Variants in FGF14 observed in about 807,000 individuals in gnomAD.
FGF14 encodes the protein fibroblast growth factor homologous factor 4.
A neutral mutation model predicts 25.5 loss-of-function variants in FGF14; 5 were observed. That is an observed-to-expected ratio of 0.20 (90% CI 0.10 to 0.41). The LOEUF (loss-of-function observed/expected upper bound fraction) is 0.41, where lower values mean the gene tolerates loss of function less well. Ranked by LOEUF, FGF14 falls within the 10% of genes least tolerant of loss-of-function variation. The pLI, the probability that FGF14 is intolerant of heterozygous loss-of-function variation, is 1.00. For missense variants in FGF14, 222 were observed against 320.1 expected (o/e 0.69, Z 2.34); for synonymous variants, 138 against 118.3 (o/e 1.17, Z -1.08).
At position 101,916,649 on chromosome 13, in the gene FGF14, G is replaced by A. The variant is rs1405710336; in HGVS notation, c.-4C>T. ...CGCTAGCGATGGCCGCGGCCATGGTGGCCCCGGGAACGGGTCCGGGGAGGG... is the reference window on the plus strand; with the variant it reads ...CGCTAGCGATGGCCGCGGCCATGGTAGCCCCGGGAACGGGTCCGGGGAGGG... On this transcript the variant is annotated 5_prime_UTR_variant, in exon 1 of 5. Coordinates refer to ENST00000376143, the MANE Select transcript of FGF14 (RefSeq NM_004115.4). 2 of 1,549,884 alleles carry A rather than the reference G, an allele frequency of 1.3e-6. No homozygotes were observed. The highest frequency in any genetic ancestry group is 1.7e-6 in the Non-Finnish European group (2 of 1,144,986).
chr13:101,803,714 A>G (rs1353728193), intron 3 of FGF14, among the ~76,000 whole-genome samples: 6 of 152,156 alleles, frequency 3.9e-5, no homozygotes, highest in Admixed American at 3.9e-4. Flanking sequence ...TGTGTCCTGG[A>G]TGGCACCTAG....
chr13:102,169,854 G>A lies in FGF14; in HGVS notation c.208+231617C>T, dbSNP rs188168904. On this transcript the variant is annotated intron_variant, in intron 1 of 4. Coordinates refer to the FGF14 transcript ENST00000376131. ...CACCACCCAGTCCAGCAGCCACTGG[G>A]CACATGTAACTATTGAGCACTTGAA... Among the ~76,000 whole-genome samples, 3 of 152,288 alleles carry A rather than the reference G, an allele frequency of 2.0e-5. No individual in the cohort carries two copies. In the East Asian group the frequency reaches 5.8e-4, roughly 29 times the overall value.
chr13:102,034,193 G>T (rs747141856), intron 1 of FGF14, among the ~76,000 whole-genome samples: 1 of 152,124 alleles, frequency 6.6e-6, no homozygotes, highest in Non-Finnish European at 1.5e-5. Context: ...CCCTCCAGAA[G>T]CCCAGGACTC....
At chr13:102,245,229 T>C (rs1258958935) in intron 1 of FGF14, among the ~76,000 whole-genome samples, 1 of 152,132 alleles carries the variant, frequency 6.6e-6, no homozygotes, top group Non-Finnish European at 1.5e-5. Flanking sequence ...GAAGAGTTAC[T>C]TGTAATAATT....
intron 3 of FGF14, among the ~76,000 whole-genome samples, chr13:101,830,896 C>G (rs2042638008): frequency 6.6e-6 from 1 of 152,034 alleles, no homozygotes; most frequent in African/African-American, 2.4e-5. Flanking sequence ...CTCCTCTCTT[C>G]ATCTCTAAAG....
intron 1 of FGF14, among the ~76,000 whole-genome samples, chr13:102,087,865 T>TACTC (rs35671494): frequency 0.39 from 58,814 of 151,670 alleles, 13,357 homozygotes; most frequent in Non-Finnish European, 0.51. Flanking sequence ...ACTCATTTAA[T>TACTC]ACAACAACCA....
chr13:101,768,074 CAT>C (rs1302203351), intron 3 of FGF14, among the ~76,000 whole-genome samples: 1 of 151,788 alleles, frequency 6.6e-6, no homozygotes, highest in Non-Finnish European at 1.5e-5. Context: ...AAATCAACAA[CAT>C]GTAAATATTT....
chr13:102,179,402 T>G (rs1411943280), intron 1 of FGF14, among the ~76,000 whole-genome samples: 1 of 152,114 alleles, frequency 6.6e-6, no homozygotes. Flanking sequence ...CTTAATCACT[T>G]GCTTAATGGT....
intron 1 of FGF14, among the ~76,000 whole-genome samples, chr13:102,200,574 C>A (rs2049570009): frequency 2.0e-5 from 3 of 151,042 alleles, no homozygotes; most frequent in African/African-American, 7.3e-5. Context: ...AGTGGCCAGC[C>A]AACTAGCCAT....
chr13:101,831,152 T>A (rs536844320), intron 3 of FGF14, among the ~76,000 whole-genome samples: 21 of 152,130 alleles, frequency 1.4e-4, no homozygotes, highest in African/African-American at 5.1e-4. Flanking sequence ...TACCCTACCA[T>A]CCCATATGAT....
At chr13:101,961,719 T>C (rs1351963625) in intron 1 of FGF14, among the ~76,000 whole-genome samples, 1 of 152,140 alleles carries the variant, frequency 6.6e-6, no homozygotes, top group Non-Finnish European at 1.5e-5. Flanking sequence ...ATGAGGGCCT[T>C]TTCCCCTTTT....
chr13:102,367,633 G>A (rs2057752759), intron 1 of FGF14: 1 of 152,224 alleles, frequency 6.6e-6, no homozygotes, highest in African/African-American at 2.4e-5. Context: ...TACTCGGAGT[G>A]TGTGTCGGGT....
chr13:102,065,679 T>C (rs1449680178), intron 1 of FGF14, among the ~76,000 whole-genome samples: 1 of 152,116 alleles, frequency 6.6e-6, no homozygotes, highest in Non-Finnish European at 1.5e-5. Context: ...CCCTGGATTC[T>C]GCATCTGCAG....
chr13:102,246,687 C>T (rs61965281), intron 1 of FGF14, among the ~76,000 whole-genome samples: 275 of 151,902 alleles, frequency 1.8e-3, no homozygotes, highest in African/African-American at 6.1e-3. Flanking sequence ...AATGCTGTTC[C>T]TATCAAACTA....
intron 1 of FGF14, among the ~76,000 whole-genome samples, chr13:102,064,361 G>A (rs1406132860): frequency 6.6e-6 from 1 of 152,020 alleles, no homozygotes; most frequent in Non-Finnish European, 1.5e-5. Flanking sequence ...CCTTTAGATG[G>A]GTTCCTAGTC....
intron 1 of FGF14, among the ~76,000 whole-genome samples, chr13:102,022,128 A>T (rs550746558): frequency 6.6e-6 from 1 of 150,632 alleles, no homozygotes; most frequent in South Asian, 2.1e-4. Flanking sequence ...CAGCACCCCC[A>T]CCCCCCTTAC....
intron 1 of FGF14, among the ~76,000 whole-genome samples, chr13:102,045,701 G>A (rs546467690): frequency 6.6e-6 from 1 of 152,256 alleles, no homozygotes; most frequent in East Asian, 1.9e-4. Flanking sequence ...TTAGAGATGT[G>A]TAATTATCTA....
intron 1 of FGF14, among the ~76,000 whole-genome samples, chr13:102,027,971 C>A (rs1297876006): frequency 1.3e-5 from 2 of 151,894 alleles, no homozygotes; most frequent in Non-Finnish European, 2.9e-5. Context: ...TATTCATCAC[C>A]CTTTATTGGC....
chr13:101,720,006 T>C lies in FGF14; in HGVS notation c.*2825A>G, dbSNP rs1437554112. The stretch of plus-strand genomic sequence containing the variant: ...CATGACATTTCTCTATATTGGTGAG[T>C]AATGCAATGCCATTTTGTTACATAA... On this transcript the variant is annotated 3_prime_UTR_variant, in exon 5 of 5. Transcript: ENST00000376143. 6.6e-6 allele frequency: 1 copy of C among 152,144 alleles called. No homozygotes were observed. Among genetic ancestry groups the C allele is most frequent in the African/African-American group, 2.4e-5 (1 of 41,440 alleles). 9.4% of individuals were successfully genotyped at this position (152,144 alleles called of 1,614,324 possible). A position where few individuals can be genotyped will look rare whatever the true frequency, so the allele number is the denominator to read the frequency against.
Sources: allele counts gnomAD v4.1 joint callset (sites outside exome capture counted in the v4.1 genomes callset), GRCh38; gene constraint gnomAD v4.1.1; transcripts MANE v1.5; gene names NCBI Gene and HGNC (gene_info 2026-07-23, HGNC 2026-07-21).